HSD17B6: variants seen among roughly 807,000 people sequenced by gnomAD.
HSD17B6 encodes the protein hydroxysteroid 17-beta dehydrogenase 6, also known as 17-beta-hydroxysteroid dehydrogenase type 6.
In HSD17B6, 16 loss-of-function variants were observed where a neutral mutation model predicts 26.4. The ratio of observed to expected loss-of-function variants is 0.61; its 90% CI spans 0.41 to 0.92. HSD17B6 has a LOEUF of 0.92. Among genes scored for constraint, HSD17B6 ranks in the 40% least tolerant of loss-of-function variants. HSD17B6 has a pLI of 0.00. For missense variants in HSD17B6, 357 were observed against 386.1 expected, an observed-to-expected ratio of 0.92 and a Z score of 0.63; for synonymous variants, 139 against 153.0, an observed-to-expected ratio of 0.91 and a Z score of 0.68.
At chr12:56,771,894 C>T (rs143670679) in intron 1 of HSD17B6, among the ~76,000 whole-genome samples, 2 of 152,110 alleles carry the variant, frequency 1.3e-5, no homozygotes, top group African/African-American at 4.8e-5. Context: ...GTGGTTTCCC[C>T]CATGTTGAGT....
At position 56,779,237 on chromosome 12, in the gene HSD17B6, C is replaced by T. The variant is rs1954659769; in HGVS notation, c.314-2737C>T. On this transcript the variant is annotated intron_variant, in intron 2 of 4. Coordinates refer to ENST00000322165, the MANE Select transcript of HSD17B6 (RefSeq NM_003725.4). ...GTAATGTCGAATTCCTGGACTCAAG[C>T]CATCCTCCCACCTCAGCCTCCTGAG... Among the ~76,000 whole-genome samples, 3 of 152,184 alleles carry T rather than the reference C, an allele frequency of 2.0e-5. No individual in the cohort carries two copies. The South Asian group carries it at 6.2e-4, about 32-fold the overall frequency.
At chr12:56,783,533 GC>G in intron 3 of HSD17B6, among the ~76,000 whole-genome samples, 1 of 145,696 alleles carries the variant, frequency 6.9e-6, no homozygotes, top group African/African-American at 2.5e-5. Context: ...GGCCGGCCGG[GC>G]GGGGGGCTGA....
At chr12:56,766,223 C>T (rs901224253) in intron 1 of HSD17B6, among the ~76,000 whole-genome samples, 2 of 152,054 alleles carry the variant, frequency 1.3e-5, no homozygotes, top group Non-Finnish European at 2.9e-5. Flanking sequence ...ACTCTCTTTT[C>T]GGACTCAGCC....
At chr12:56,763,620 T>C (rs914522407) in intron 1 of HSD17B6, among the ~76,000 whole-genome samples, 1 of 152,072 alleles carries the variant, frequency 6.6e-6, no homozygotes, top group African/African-American at 2.4e-5. Flanking sequence ...TTTACTCCCA[T>C]GAAGTTTGGG....
chr12:56,784,829 A>G, intron 3 of HSD17B6, 24 bp from the exon 4 acceptor site: 1 of 1,604,902 alleles, frequency 6.2e-7, no homozygotes, highest in Non-Finnish European at 8.5e-7. Context: ...GTCTTTAATC[A>G]TAACTTGTGG....
intron 1 of HSD17B6, among the ~76,000 whole-genome samples, chr12:56,766,446 A>G (rs773897662): frequency 6.6e-5 from 10 of 152,202 alleles, no homozygotes; most frequent in Non-Finnish European, 1.2e-4. Context: ...CAATCTCTGC[A>G]TGTCAAATAC....
chr12:56,768,278 C>T (rs989147280), intron 1 of HSD17B6, among the ~76,000 whole-genome samples: 2 of 151,940 alleles, frequency 1.3e-5, no homozygotes, highest in Admixed American at 1.3e-4. Context: ...GCTAATAGGT[C>T]CTTGGTGAGC....
rs1156888320 is a variant in HSD17B6 at position 56,782,017 on chromosome 12, T to G, written c.357T>G (p.Ile119Met). ...ACAATGCAGGCATTCTTACACCAAT[T>G]ACCTTATGTGAGTGGCTGAACACTG... ...LVNNAGILTP[I>M]TLCEWLNTED... Residue 119 changes from isoleucine (I) to methionine (M), a missense_variant, in exon 3 of 5, where the codon ATT becomes ATG. Physicochemically the swap from Ile to Met is conservative, Grantham distance 10. Transcript: ENST00000322165. The G allele has an allele frequency of 6.2e-7, 1 of 1,614,024 alleles. No individual in the cohort carries two copies. Among genetic ancestry groups the G allele is most frequent in the African/African-American group, 1.3e-5 (1 of 74,910 alleles).
intron 1 of HSD17B6, among the ~76,000 whole-genome samples, chr12:56,767,659 T>C (rs1592355976): frequency 6.9e-6 from 1 of 144,812 alleles, no homozygotes; most frequent in East Asian, 2.0e-4. Context: ...ATATATTATA[T>C]ATATAGTGTA....
At position 56,785,022 on chromosome 12, in the gene HSD17B6, C is replaced by G. The variant is rs1954846268; in HGVS notation, c.736+6C>G. The G allele has an allele frequency of 6.2e-7, 1 of 1,606,310 alleles. No individual in the cohort carries two copies. The highest frequency in any genetic ancestry group is 8.5e-7 in the Non-Finnish European group (1 of 1,178,092). ...ACAGCAGTATTTTGATGCCCGTAAG[C>G]TTTTTTCTTTTGATAGGGATAATGG... On this transcript the variant is annotated splice_donor_region_variant and intron_variant, in intron 4 of 4. Transcript: ENST00000322165.
chr12:56,763,438 TGTGTGTG>T (rs1412717663), intron 1 of HSD17B6, 24 bp downstream of exon 1: 1 of 27,082 alleles, frequency 3.7e-5, no homozygotes, highest in African/African-American at 2.8e-4. Context: ...TAAGGGTGGT[TGTGTGTG>T]TGTGTGTGTG....
chr12:56,785,890 T>G (rs1214157025), intron 4 of HSD17B6: 2 of 941,012 alleles, frequency 2.1e-6, no homozygotes, highest in Non-Finnish European at 2.5e-6. Flanking sequence ...AGGCTATATT[T>G]CTCTTGTTCA....
chr12:56,769,195 C>T (rs1326258543), intron 1 of HSD17B6, among the ~76,000 whole-genome samples: 1 of 151,702 alleles, frequency 6.6e-6, no homozygotes, highest in Non-Finnish European at 1.5e-5. Context: ...CTCTGCCTCC[C>T]AGGTTTAAGC....
chr12:56,786,770 G>A (rs910131404), intron 4 of HSD17B6, among the ~76,000 whole-genome samples: 10 of 152,162 alleles, frequency 6.6e-5, no homozygotes, highest in Admixed American at 2.6e-4. Flanking sequence ...AGGATCACGA[G>A]CCTGGGAGGC....
chr12:56,777,968 T>C (rs1954628737), intron 2 of HSD17B6, among the ~76,000 whole-genome samples: 7 of 152,202 alleles, frequency 4.6e-5, no homozygotes. Flanking sequence ...TACCCGTTTA[T>C]TTCTATTGTA....
chr12:56,768,880 G>C (rs919241246), intron 1 of HSD17B6, among the ~76,000 whole-genome samples: 1 of 152,040 alleles, frequency 6.6e-6, no homozygotes, highest in African/African-American at 2.4e-5. Context: ...AACATGGATG[G>C]TAAAGGCTTT....
At chr12:56,775,555 C>G (rs1166823984) in intron 2 of HSD17B6, among the ~76,000 whole-genome samples, 1 of 151,994 alleles carries the variant, frequency 6.6e-6, no homozygotes, top group Non-Finnish European at 1.5e-5. Flanking sequence ...ATTTAAAAAT[C>G]AACACACTAT....
intron 3 of HSD17B6, among the ~76,000 whole-genome samples, chr12:56,784,077 T>A (rs895799117): frequency 7.9e-6 from 1 of 127,022 alleles, no homozygotes; most frequent in Non-Finnish European, 1.7e-5. Flanking sequence ...TCTCAGACGA[T>A]GGGCAGCCGG....
At chr12:56,783,427 C>T in intron 3 of HSD17B6, among the ~76,000 whole-genome samples, 1 of 140,996 alleles carries the variant, frequency 7.1e-6, no homozygotes, top group African/African-American at 2.7e-5. Flanking sequence ...CCTCACTTCC[C>T]AGTAGGGGCG....
Sources: allele counts gnomAD v4.1 joint callset (sites outside exome capture counted in the v4.1 genomes callset), GRCh38; gene constraint gnomAD v4.1.1; transcripts MANE v1.5; gene names NCBI Gene and HGNC (gene_info 2026-07-23, HGNC 2026-07-21).